HNRNPC: variants seen among roughly 807,000 people sequenced by gnomAD.
HNRNPC encodes heterogeneous nuclear ribonucleoprotein C, also known as heterogeneous nuclear ribonucleoproteins C1/C2.
Under a neutral mutation model 33.2 loss-of-function variants are expected in HNRNPC, and 3 were observed. That is an observed-to-expected ratio of 0.09 (90% CI 0.04 to 0.23). HNRNPC has a LOEUF of 0.23. Ranked by LOEUF, HNRNPC falls within the 10% of genes least tolerant of loss-of-function variation. The pLI is 1.00. For missense variants in HNRNPC, 143 were observed against 366.7 expected, an observed-to-expected ratio of 0.39 and a Z score of 4.98; for synonymous variants, 121 against 126.7, an observed-to-expected ratio of 0.96 and a Z score of 0.30.
intron 5 of HNRNPC, among the ~76,000 whole-genome samples, chr14:21,214,634 A>G (rs1891959962): frequency 6.6e-6 from 1 of 152,256 alleles, no homozygotes; most frequent in Non-Finnish European, 1.5e-5. Context: ...TTAATCTCTT[A>G]GTTTAATCCA....
intron 1 of HNRNPC, among the ~76,000 whole-genome samples, chr14:21,267,042 G>A (rs1164110333): frequency 7.2e-6 from 1 of 138,458 alleles, no homozygotes; most frequent in African/African-American, 2.7e-5. Context: ...AGTGAACCGA[G>A]ATTGTGCCAC....
At chr14:21,230,856 A>G in intron 4 of HNRNPC, 141 bp downstream of exon 4, 1 of 869,488 alleles carries the variant, frequency 1.2e-6, no homozygotes, top group Non-Finnish European at 1.8e-6. Flanking sequence ...ATTTATACAC[A>G]GATAAAACAC....
chr14:21,266,129 G>A (rs1878936585), intron 1 of HNRNPC, among the ~76,000 whole-genome samples: 1 of 152,070 alleles, frequency 6.6e-6, no homozygotes, highest in African/African-American at 2.4e-5. Flanking sequence ...TTTTTGAGAT[G>A]GGGTCTCACT....
chr14:21,253,019 C>G (rs1191565898), intron 2 of HNRNPC, among the ~76,000 whole-genome samples: 1 of 145,750 alleles, frequency 6.9e-6, no homozygotes, highest in Admixed American at 6.9e-5. Context: ...ACTAAAAATA[C>G]AAAAATTAGC....
rs568522048 is a variant in HNRNPC, at chr14:21,244,253, C to T, written c.-36-10024G>A. Among the ~76,000 whole-genome samples, 7 of 152,334 alleles carry T rather than the reference C, an allele frequency of 4.6e-5. No individual in the cohort carries two copies. In the South Asian group the frequency reaches 1.4e-3, roughly 32 times the overall value. On this transcript the variant is annotated intron_variant, in intron 2 of 8. Transcript: ENST00000553300. Reference sequence around the variant, plus strand: ...ACCTCAGGTGATCCGCCGACCTCCACGTTCCAAAAGTGCAGGGATTATAGG... The same window carrying T: ...ACCTCAGGTGATCCGCCGACCTCCATGTTCCAAAAGTGCAGGGATTATAGG...
At chr14:21,254,246 GTAAAA>G (rs1050318477) in intron 2 of HNRNPC, among the ~76,000 whole-genome samples, 2 of 151,886 alleles carry the variant, frequency 1.3e-5, no homozygotes, top group Admixed American at 6.6e-5. Context: ...CAGTGTATTG[GTAAAA>G]TAAAATATAG....
At chr14:21,215,292 AACAT>A (rs1190472244) in intron 5 of HNRNPC, among the ~76,000 whole-genome samples, 7 of 152,224 alleles carry the variant, frequency 4.6e-5, no homozygotes, top group Non-Finnish European at 7.3e-5. Flanking sequence ...ATAGAAAAAA[AACAT>A]ACATAGTGTG....
In HNRNPC at chr14:21,210,002, A is replaced by G. The variant is rs1438480513; in HGVS notation, c.*1221T>C. On this transcript the variant is annotated 3_prime_UTR_variant, in exon 9 of 9. Coordinates refer to ENST00000553300, the MANE Select transcript of HNRNPC (RefSeq NM_004500.4). ...GTAAAATAAATGTGTAACATTCTCT[A>G]TGTTCTCAATCACCTGGGAAGGCAG... 3 of 152,232 alleles carry G rather than the reference A, an allele frequency of 2.0e-5. No homozygotes were observed. The highest frequency in any genetic ancestry group is 2.0e-4 in the Admixed American group (3 of 15,280). The allele number at this position is 152,232 out of a possible 1,614,324, so 9.4% of individuals were successfully genotyped here. A position where few individuals can be genotyped will look rare whatever the true frequency, so the allele number is the denominator to read the frequency against.
At chr14:21,254,292 T>C (rs1019888522) in intron 2 of HNRNPC, among the ~76,000 whole-genome samples, 12 of 152,128 alleles carry the variant, frequency 7.9e-5, no homozygotes, top group African/African-American at 2.7e-4. Context: ...TGTAGTATTA[T>C]AGAGTATATA....
At position 21,212,131 on chromosome 14, in the gene HNRNPC, C is replaced by G. The variant is rs144966167; in HGVS notation, c.524-208G>C. 5.5e-4 allele frequency: 272 copies of G among 496,114 alleles called. 1 individual carries two copies. The highest frequency in any genetic ancestry group is 4.8e-3 in the African/African-American group (246 of 51,554). The allele number at this position is 496,114 out of a possible 1,614,324, so 30.7% of individuals were successfully genotyped here. ...TTATTGTTTTTAATGTCTTTTAGAT[C>G]AGGGCTGTCGCTATGTTGACCAGGC... On this transcript the variant is annotated intron_variant, in intron 6 of 8. Transcript: ENST00000553300.
intron 2 of HNRNPC, among the ~76,000 whole-genome samples, chr14:21,242,205 C>T (rs1343953543): frequency 6.6e-6 from 1 of 152,136 alleles, no homozygotes; most frequent in African/African-American, 2.4e-5. Context: ...AGGTGTGGGG[C>T]CAGGCAAGGT....
intron 2 of HNRNPC, among the ~76,000 whole-genome samples, chr14:21,260,806 T>C (rs570957650): frequency 6.6e-6 from 1 of 151,716 alleles, no homozygotes; most frequent in Admixed American, 6.6e-5. Context: ...CTACTAAAAA[T>C]ACAGAAATTA....
At chr14:21,212,602 G>C (rs1295755239) in intron 6 of HNRNPC, among the ~76,000 whole-genome samples, 1 of 151,754 alleles carries the variant, frequency 6.6e-6, no homozygotes, top group Non-Finnish European at 1.5e-5. Context: ...GAGTGCAATG[G>C]CATGATCTCG....
intron 2 of HNRNPC, among the ~76,000 whole-genome samples, chr14:21,256,413 C>T (rs980942199): frequency 6.6e-6 from 1 of 152,004 alleles, no homozygotes; most frequent in Admixed American, 6.6e-5. Flanking sequence ...CGCACCACTG[C>T]ACTACAGCCT....
At chr14:21,265,713 G>A (rs1031621112) in intron 1 of HNRNPC, among the ~76,000 whole-genome samples, 2 of 152,204 alleles carry the variant, frequency 1.3e-5, no homozygotes, top group East Asian at 1.9e-4. Flanking sequence ...GGGAGGCAGA[G>A]GGTGCAGTGA....
chr14:21,229,579 C>CTA, intron 5 of HNRNPC, among the ~76,000 whole-genome samples: 1 of 152,236 alleles, frequency 6.6e-6, no homozygotes, highest in East Asian at 1.9e-4. Context: ...AACAGAAAGT[C>CTA]TATACTTTCA....
chr14:21,227,610 G>A (rs1893622290), intron 5 of HNRNPC, among the ~76,000 whole-genome samples: 1 of 152,158 alleles, frequency 6.6e-6, no homozygotes, highest in Non-Finnish European at 1.5e-5. Flanking sequence ...AAAATCTGAA[G>A]AGGCCACCAA....
chr14:21,257,015 T>C (rs1261842006), intron 2 of HNRNPC, among the ~76,000 whole-genome samples: 1 of 152,070 alleles, frequency 6.6e-6, no homozygotes, highest in East Asian at 1.9e-4. Context: ...CTAGCCAAAA[T>C]CTTTGGCCCA....
intron 6 of HNRNPC, among the ~76,000 whole-genome samples, chr14:21,212,631 C>T (rs557089499): frequency 6.6e-6 from 1 of 152,064 alleles, no homozygotes; most frequent in East Asian, 1.9e-4. Context: ...CAACCTCCGC[C>T]TCCTGGGTAA....
Sources: gnomAD v4.1 joint callset for allele counts (sites outside exome capture counted in the v4.1 genomes callset) on GRCh38, gnomAD v4.1.1 for gene constraint, MANE v1.5 for transcripts, NCBI Gene and HGNC (gene_info 2026-07-23, HGNC 2026-07-21) for gene names.